Variants in CDH12 observed in about 807,000 individuals in gnomAD.
CDH12 encodes the protein cadherin-12.
Under a neutral mutation model 74.1 loss-of-function variants are expected in CDH12, and 41 were observed. The ratio of observed to expected loss-of-function variants is 0.55; its 90% confidence interval spans 0.43 to 0.72. CDH12 has a LOEUF of 0.72. Ranked by LOEUF, CDH12 falls within the 30% of genes least tolerant of loss-of-function variation. The pLI is 0.00. For synonymous variants in CDH12, 399 were observed against 355.0 expected (o/e 1.12, Z -1.39); for missense variants, 945 against 977.2 (o/e 0.97, Z 0.44).
rs78066221 is a variant in CDH12, at chr5:22,771,046, C to T, written c.-523+82012G>A. ...TAGTAAATGATAATACAATTTAATT[C>T]AGACTCATACATTCTAAGATAAGAG... On this transcript the variant is annotated intron_variant, in intron 1 of 14. Transcript: ENST00000382254. Among the ~76,000 whole-genome samples, 563 of 152,112 alleles carry T rather than the reference C, an allele frequency of 3.7e-3. 3 individuals are homozygous for T. The highest frequency in any genetic ancestry group is 0.012 in the African/African-American group (516 of 41,546).
intron 1 of CDH12, among the ~76,000 whole-genome samples, chr5:22,543,212 A>G (rs183784583): frequency 6.2e-4 from 95 of 152,296 alleles, no homozygotes; most frequent in Middle Eastern, 3.4e-3. Flanking sequence ...CAAATGGGAT[A>G]ATACACATAA....
chr5:21,825,005 T>A (rs2149957446), intron 8 of CDH12, among the ~76,000 whole-genome samples: 1 of 151,918 alleles, frequency 6.6e-6, no homozygotes, highest in African/African-American at 2.4e-5. Flanking sequence ...AATAAAAAAA[T>A]TAGCCGGGTG....
intron 3 of CDH12, among the ~76,000 whole-genome samples, chr5:22,307,225 T>C (rs1383352190): frequency 2.6e-5 from 4 of 152,212 alleles, no homozygotes; most frequent in African/African-American, 9.6e-5. Flanking sequence ...TGAATTCCAA[T>C]GGCCATACAG....
intron 6 of CDH12, among the ~76,000 whole-genome samples, chr5:21,873,919 T>C (rs957364710): frequency 4.8e-5 from 7 of 146,588 alleles, no homozygotes; most frequent in African/African-American, 1.8e-4. Flanking sequence ...CCCATGTCCC[T>C]GCAAAGAACA....
At chr5:22,554,721 G>A (rs1252154647) in intron 1 of CDH12, among the ~76,000 whole-genome samples, 1 of 151,944 alleles carries the variant, frequency 6.6e-6, no homozygotes, top group Non-Finnish European at 1.5e-5. Context: ...CTAGCATAAA[G>A]TGACTTACTA....
intron 2 of CDH12, among the ~76,000 whole-genome samples, chr5:22,474,236 T>C (rs1404146774): frequency 1.3e-5 from 2 of 152,092 alleles, no homozygotes; most frequent in Non-Finnish European, 2.9e-5. Flanking sequence ...TACAAAGAAA[T>C]GAATGATGAC....
chr5:22,336,172 C>T (rs1739572739), intron 3 of CDH12, among the ~76,000 whole-genome samples: 1 of 152,144 alleles, frequency 6.6e-6, no homozygotes, highest in Non-Finnish European at 1.5e-5. Context: ...TTTAGGATAT[C>T]TGACTGATGA....
chr5:21,862,630 T>G (rs901529589), intron 6 of CDH12, among the ~76,000 whole-genome samples: 1 of 152,186 alleles, frequency 6.6e-6, no homozygotes, highest in African/African-American at 2.4e-5. Flanking sequence ...ATATAAAAAG[T>G]ATGTTACATA....
intron 4 of CDH12, among the ~76,000 whole-genome samples, chr5:22,136,972 A>G (rs1286002261): frequency 1.3e-5 from 2 of 151,550 alleles, no homozygotes; most frequent in Non-Finnish European, 2.9e-5. Context: ...AGTAGCAAAT[A>G]ACCAAACATG....
chr5:22,263,582 G>A (rs1480815852), intron 3 of CDH12, among the ~76,000 whole-genome samples: 2 of 151,960 alleles, frequency 1.3e-5, no homozygotes, highest in East Asian at 3.9e-4. Context: ...TCCATTTTTG[G>A]GGGGTGTATG....
At chr5:22,664,371 C>A (rs1004496862) in intron 1 of CDH12, among the ~76,000 whole-genome samples, 1 of 152,004 alleles carries the variant, frequency 6.6e-6, no homozygotes, top group Non-Finnish European at 1.5e-5. Context: ...AGCAAGGTAC[C>A]TTTTTCACAA....
chr5:22,647,104 T>C (rs1160962838), intron 1 of CDH12, among the ~76,000 whole-genome samples: 1 of 151,796 alleles, frequency 6.6e-6, no homozygotes, highest in Non-Finnish European at 1.5e-5. Flanking sequence ...ACTCTAAGCA[T>C]GCAAAATTGG....
intron 4 of CDH12, among the ~76,000 whole-genome samples, chr5:22,108,686 T>C (rs1173855751): frequency 6.6e-6 from 1 of 152,316 alleles, no homozygotes; most frequent in Non-Finnish European, 1.5e-5. Context: ...AACTTAAGCC[T>C]GAAGTTTAAC....
In CDH12 at chr5:22,563,013, T is replaced by G. The variant is rs1026082565; in HGVS notation, c.-522-57649A>C. ...GAATATTTATATATGCAAATATATA[T>G]TTCTATATTTAAATGCATAAATTTA... On this transcript the variant is annotated intron_variant, in intron 1 of 14. Transcript: ENST00000382254. 5.4e-5 allele frequency among the ~76,000 whole-genome samples: 8 copies of G among 147,634 alleles called. No individual in the cohort carries two copies. In the South Asian group the frequency reaches 1.7e-3, roughly 31 times the overall value.
At chr5:22,405,706 C>A (rs1341580780) in intron 2 of CDH12, among the ~76,000 whole-genome samples, 1 of 152,142 alleles carries the variant, frequency 6.6e-6, no homozygotes, top group African/African-American at 2.4e-5. Flanking sequence ...AACAAACAGA[C>A]CTGGTAGCTC....
intron 6 of CDH12, among the ~76,000 whole-genome samples, chr5:21,866,896 T>C (rs1751355433): frequency 6.6e-6 from 1 of 152,154 alleles, no homozygotes; most frequent in African/African-American, 2.4e-5. Flanking sequence ...TTTGTGGGCC[T>C]GCCCCAGGGT....
At chr5:22,021,151 A>G (rs1416169190) in intron 5 of CDH12, among the ~76,000 whole-genome samples, 2 of 152,180 alleles carry the variant, frequency 1.3e-5, no homozygotes, top group Non-Finnish European at 2.9e-5. Context: ...TGTCATATAC[A>G]CTTTGTAACT....
chr5:22,297,720 A>AG (rs1266815929), intron 3 of CDH12, among the ~76,000 whole-genome samples: 2 of 152,190 alleles, frequency 1.3e-5, no homozygotes, highest in South Asian at 4.1e-4. Context: ...ATGCTGAAGA[A>AG]GGGGAAAGAT....
chr5:22,665,761 T>C (rs1408265935), intron 1 of CDH12, among the ~76,000 whole-genome samples: 3 of 152,190 alleles, frequency 2.0e-5, no homozygotes, highest in African/African-American at 7.2e-5. Flanking sequence ...TTGGTAGCTG[T>C]TGACCATCCA....
Sources: allele counts gnomAD v4.1 joint callset (sites outside exome capture counted in the v4.1 genomes callset), GRCh38; gene constraint gnomAD v4.1.1; transcripts MANE v1.5; gene names NCBI Gene and HGNC (gene_info 2026-07-23, HGNC 2026-07-21).